ZSWIM5: variants seen among roughly 807,000 people sequenced by gnomAD.
The protein encoded by ZSWIM5 is zinc finger SWIM domain-containing protein 5.
A neutral mutation model predicts 119.6 loss-of-function variants in ZSWIM5; 55 were observed. The observed-to-expected ratio is 0.46, with a 90% CI of 0.37 to 0.58. The LOEUF (loss-of-function observed/expected upper bound fraction) is 0.58, where lower values mean the gene tolerates loss of function less well. Ranked by LOEUF, ZSWIM5 falls within the 20% of genes least tolerant of loss-of-function variation. The probability of loss-of-function intolerance (pLI) is 0.00; values close to 1 mark genes in which losing one functional copy is unlikely to be tolerated. For synonymous variants in ZSWIM5, 537 were observed against 606.9 expected, an observed-to-expected ratio of 0.88 and a Z score of 1.69; for missense variants, 1,193 against 1,512.8, an observed-to-expected ratio of 0.79 and a Z score of 3.51.
chr1:45,085,480 C>G (rs893547370), intron 2 of ZSWIM5, among the ~76,000 whole-genome samples: 6 of 150,822 alleles, frequency 4.0e-5, no homozygotes, highest in African/African-American at 1.2e-4. Flanking sequence ...AACTTTTACA[C>G]TCTGTTTCCC....
At chr1:45,118,768 A>C (rs900042033) in intron 1 of ZSWIM5, among the ~76,000 whole-genome samples, 1 of 151,948 alleles carries the variant, frequency 6.6e-6, no homozygotes, top group South Asian at 2.1e-4. Context: ...AAAGAAAAGA[A>C]AAGAAAAAAT....
At chr1:45,110,026 G>T (rs987045014) in intron 1 of ZSWIM5, among the ~76,000 whole-genome samples, 2 of 151,944 alleles carry the variant, frequency 1.3e-5, no homozygotes, top group Non-Finnish European at 2.9e-5. Context: ...CACCACACCT[G>T]GCTAATTTTT....
At chr1:45,052,788 A>G (rs147567512) in intron 4 of ZSWIM5, among the ~76,000 whole-genome samples, 383 of 151,594 alleles carry the variant, frequency 2.5e-3, no homozygotes, top group Non-Finnish European at 3.8e-3. Context: ...CCTCATTTCT[A>G]TTTTTTCAAT....
intron 7 of ZSWIM5, 66 bp from the exon 8 acceptor site, chr1:45,039,139 G>A (rs1645003671): frequency 6.3e-7 from 1 of 1,577,262 alleles, no homozygotes; most frequent in Middle Eastern, 1.7e-4. Flanking sequence ...CCCTGCCTGG[G>A]TCTTCTTATC....
At chr1:45,181,954 C>A (rs1436401737) in intron 1 of ZSWIM5, among the ~76,000 whole-genome samples, 1 of 152,188 alleles carries the variant, frequency 6.6e-6, no homozygotes, top group East Asian at 1.9e-4. Flanking sequence ...AAAGGCACAA[C>A]TGGTACCAGC....
At chr1:45,160,989 A>ATTTTTTTTTTT (rs534599856) in intron 1 of ZSWIM5, among the ~76,000 whole-genome samples, 14 of 122,654 alleles carry the variant, frequency 1.1e-4, no homozygotes, top group African/African-American at 3.0e-4. Context: ...GCCCGGCTAA[A>ATTTTTTTTTTT]TTTTTTTTTT....
At chr1:45,089,884 C>A (rs912174294) in intron 1 of ZSWIM5, among the ~76,000 whole-genome samples, 1 of 152,118 alleles carries the variant, frequency 6.6e-6, no homozygotes, top group African/African-American at 2.4e-5. Flanking sequence ...TAAATGATTA[C>A]AATATGATGT....
At chr1:45,163,197 C>T (rs346709) in intron 1 of ZSWIM5, among the ~76,000 whole-genome samples, 9,542 of 152,208 alleles carry the variant, frequency 0.063, 348 homozygotes, top group East Asian at 0.11. Flanking sequence ...CTGGTGATAC[C>T]CAGGTAAACA....
rs10700834 is a variant in ZSWIM5, at chr1:45,041,541, C to CTTTT, written c.1610-1007_1610-1004dup. 8.3e-5 allele frequency among the ~76,000 whole-genome samples: 12 copies of CTTTT among 144,770 alleles called. 1 individual carries two copies. The highest frequency in any genetic ancestry group is 1.1e-4 in the Non-Finnish European group (7 of 66,558). 95.0% of individuals were successfully genotyped at this position (144,770 alleles called of 152,430 possible). On this transcript the variant is annotated intron_variant, in intron 6 of 13. Transcript: ENST00000359600. ...ATATTTACTCACACTTTTCTAGTAA[C>CTTTT]TTTTTTTTTTTTTTAGATGGAGTCT...
chr1:45,181,097 G>A (rs943337516), intron 1 of ZSWIM5, among the ~76,000 whole-genome samples: 14 of 152,124 alleles, frequency 9.2e-5, no homozygotes, highest in Non-Finnish European at 1.6e-4. Flanking sequence ...TGACTTTGAC[G>A]AGTTGAGAAA....
At chr1:45,183,361 A>T (rs1196008769) in intron 1 of ZSWIM5, among the ~76,000 whole-genome samples, 1 of 151,958 alleles carries the variant, frequency 6.6e-6, no homozygotes, top group Non-Finnish European at 1.5e-5. Context: ...GAGCAAACAC[A>T]TTCAAAAACT....
chr1:45,135,123 GT>G (rs60638552), intron 1 of ZSWIM5, among the ~76,000 whole-genome samples: 125,976 of 135,202 alleles, frequency 0.93, 58,603 homozygotes, highest in East Asian at 0.99. Flanking sequence ...CGGTAATTCT[GT>G]TTTTTTTTTT....
intron 11 of ZSWIM5, among the ~76,000 whole-genome samples, chr1:45,028,713 G>A (rs760528115): frequency 2.0e-5 from 3 of 151,752 alleles, no homozygotes; most frequent in Admixed American, 6.6e-5. Flanking sequence ...CTGAAATCGC[G>A]CCACTCATTT....
At chr1:45,193,176 T>C (rs975019353) in intron 1 of ZSWIM5, among the ~76,000 whole-genome samples, 2 of 152,184 alleles carry the variant, frequency 1.3e-5, no homozygotes, top group Admixed American at 6.5e-5. Context: ...AAGAAGTAGC[T>C]GGCCATACTG....
chr1:45,098,345 C>T (rs973996175), intron 1 of ZSWIM5, among the ~76,000 whole-genome samples: 1 of 152,160 alleles, frequency 6.6e-6, no homozygotes, highest in African/African-American at 2.4e-5. Flanking sequence ...TTTTTCCATT[C>T]TAGTTCCTCC....
At chr1:45,026,512 G>GTTAATTC (rs1030248099) in intron 11 of ZSWIM5, among the ~76,000 whole-genome samples, 14 of 152,000 alleles carry the variant, frequency 9.2e-5, no homozygotes, top group African/African-American at 3.4e-4. Flanking sequence ...TTCCATTAAT[G>GTTAATTC]GAATTAACGG....
intron 1 of ZSWIM5, among the ~76,000 whole-genome samples, chr1:45,180,163 G>C (rs1387101761): frequency 6.6e-6 from 1 of 152,182 alleles, no homozygotes; most frequent in Non-Finnish European, 1.5e-5. Context: ...AGGGATCAGG[G>C]AGTTCCCTTT....
chr1:45,040,874 T>C (rs1315381592), intron 6 of ZSWIM5, among the ~76,000 whole-genome samples: 2 of 152,180 alleles, frequency 1.3e-5, no homozygotes, highest in Non-Finnish European at 2.9e-5. Flanking sequence ...AAAAGTCTCA[T>C]TCATTTAATT....
chr1:45,088,164 G>C lies in ZSWIM5; in HGVS notation c.669C>G (p.Ile223Met). The stretch of plus-strand genomic sequence containing the variant: ...AGGTGATTTTGCATCGATCAAAACT[G>C]ATTGCAACTTTATAAGTCACTGCTG... ...SEPAVTYKVAISFDRCKITSV... is the reference protein window; with the variant it reads ...SEPAVTYKVAMSFDRCKITSV... The change falls in exon 2 of 14, where the codon ATC becomes ATG. Residue 223 changes from isoleucine to methionine, a missense_variant. Ile to Met is a conservative substitution (Grantham distance 10, BLOSUM62 1). Around this residue, in one of 2 missense-constraint regions of ZSWIM5, gnomAD observed 961 missense variants for 1,290.0 expected, o/e 0.74. Coordinates refer to ENST00000359600, the MANE Select transcript of ZSWIM5 (RefSeq NM_020883.2). The surrounding 1 kb of genome is among the most constrained non-coding windows in gnomAD (Gnocchi z 4.2). 1.2e-6 allele frequency: 2 copies of C among 1,614,172 alleles called. No individual in the cohort carries two copies. Among genetic ancestry groups the C allele is most frequent in the Non-Finnish European group, 1.7e-6 (2 of 1,180,036 alleles).
Sources: gnomAD v4.1 joint callset for allele counts (sites outside exome capture counted in the v4.1 genomes callset) on GRCh38, gnomAD v4.1.1 for gene constraint, gnomAD v4.1.1 regional missense constraint, Gnocchi (gnomAD v3.1) non-coding constraint, MANE v1.5 for transcripts, NCBI Gene and HGNC (gene_info 2026-07-23, HGNC 2026-07-21) for gene names.